Variants in GAREM1 observed in about 807,000 individuals in gnomAD.
GAREM1 encodes the protein GRB2 associated regulator of MAPK1 subtype 1, also known as GRB2-associated and regulator of MAPK protein 1.
GAREM1 carries 26 observed loss-of-function variants against 71.3 expected under a neutral mutation model. That is an observed-to-expected ratio of 0.36 (90% CI 0.27 to 0.51). The LOEUF is 0.51. GAREM1 is among the 20% of genes least tolerant of loss of function. The pLI is 0.95. For synonymous variants in GAREM1, 440 were observed against 433.2 expected (o/e 1.02, Z -0.20); for missense variants, 1,026 against 1,103.1 (o/e 0.93, Z 0.99).
rs1437904247 is a variant in GAREM1, at chr18:32,470,653, G to T, written c.-225C>A. Among the ~76,000 whole-genome samples, 1 of 149,132 alleles carries T rather than the reference G, an allele frequency of 6.7e-6. No individual in the cohort carries two copies. Among genetic ancestry groups the T allele is most frequent in the Non-Finnish European group, 1.5e-5 (1 of 67,074 alleles). On this transcript the variant is annotated 5_prime_UTR_variant, in exon 1 of 6. Transcript: ENST00000269209. This position sits in a 1 kb window ranked among gnomAD's most constrained non-coding sequence, Gnocchi z 4.4. ...GGGGCATGGCTGGGGCGCCCCGCGT[G>T]CCCTCACGCCCGGAGAAGACTCAGA...
intron 4 of GAREM1, among the ~76,000 whole-genome samples, chr18:32,286,379 G>A (rs933015236): frequency 1.3e-5 from 2 of 149,670 alleles, no homozygotes; most frequent in Non-Finnish European, 3.0e-5. Context: ...TAGCACATCC[G>A]CTATGCTTTG....
chr18:32,299,621 A>G (rs73956872), intron 3 of GAREM1, among the ~76,000 whole-genome samples: 368 of 152,116 alleles, frequency 2.4e-3, no homozygotes, highest in African/African-American at 7.9e-3. Flanking sequence ...GGAATCAATA[A>G]TTTCTGACCT....
intron 1 of GAREM1, among the ~76,000 whole-genome samples, chr18:32,415,838 C>T (rs2048460934): frequency 6.6e-6 from 1 of 152,068 alleles, no homozygotes; most frequent in Non-Finnish European, 1.5e-5. Context: ...ATTGTCACCA[C>T]TGTTATTCAA....
At chr18:32,289,756 G>C (rs1053537575) in intron 3 of GAREM1, among the ~76,000 whole-genome samples, 1 of 152,114 alleles carries the variant, frequency 6.6e-6, no homozygotes, top group Non-Finnish European at 1.5e-5. Context: ...GCATCTAGTG[G>C]GTAGAGGCCA....
At chr18:32,271,195 A>AT (rs1294118018) in intron 4 of GAREM1, among the ~76,000 whole-genome samples, 1 of 151,170 alleles carries the variant, frequency 6.6e-6, no homozygotes, top group African/African-American at 2.4e-5. Flanking sequence ...TTTTTAATTT[A>AT]TTTTTTTTAT....
intron 2 of GAREM1, among the ~76,000 whole-genome samples, chr18:32,385,390 T>C (rs1403273897): frequency 6.6e-6 from 1 of 152,012 alleles, no homozygotes; most frequent in Non-Finnish European, 1.5e-5. Context: ...CATTTCCTTC[T>C]TCAACACTTA....
At chr18:32,411,727 G>T (rs1365345460) in intron 1 of GAREM1, among the ~76,000 whole-genome samples, 2 of 151,948 alleles carry the variant, frequency 1.3e-5, no homozygotes, top group Non-Finnish European at 2.9e-5. Context: ...CTACACCAAG[G>T]TTTCCGAAGA....
chr18:32,364,006 A>ATATATATATATATG (rs2047895115), intron 2 of GAREM1, among the ~76,000 whole-genome samples: 1 of 41,950 alleles, frequency 2.4e-5, no homozygotes, highest in Non-Finnish European at 4.2e-5. Context: ...ATATATATAT[A>ATATATATATATATG]TATATATATA....
rs148751686 is a variant in GAREM1 at position 32,469,576 on chromosome 18, T to C, written c.121+732A>G. ...AGCTGTCACACCGCAGAATAAACAG[T>C]TGGAGGAAGGAGTTGGGTGGGTTTC... On this transcript the variant is annotated intron_variant, in intron 1 of 5. Transcript: ENST00000269209. 2.8e-3 allele frequency among the ~76,000 whole-genome samples: 422 copies of C among 152,186 alleles called. 5 individuals are homozygous for C. Among genetic ancestry groups the C allele is most frequent in the African/African-American group, 9.6e-3 (397 of 41,512 alleles).
intron 1 of GAREM1, among the ~76,000 whole-genome samples, chr18:32,461,838 T>C (rs1289249909): frequency 1.3e-5 from 2 of 152,192 alleles, no homozygotes; most frequent in East Asian, 3.8e-4. Flanking sequence ...TGAAGATGCA[T>C]GGGGAGTTTA....
At chr18:32,337,180 C>T (rs2144567926) in intron 2 of GAREM1, among the ~76,000 whole-genome samples, 1 of 152,278 alleles carries the variant, frequency 6.6e-6, no homozygotes, top group South Asian at 2.1e-4. Context: ...AAATCAATTC[C>T]TGGAAAATAT....
At chr18:32,426,417 A>G (rs1366387510) in intron 1 of GAREM1, among the ~76,000 whole-genome samples, 1 of 152,186 alleles carries the variant, frequency 6.6e-6, no homozygotes, top group Non-Finnish European at 1.5e-5. Flanking sequence ...CTTAAAAATT[A>G]TATTCTTTTA....
intron 4 of GAREM1, among the ~76,000 whole-genome samples, chr18:32,285,938 C>T (rs2047012539): frequency 6.6e-6 from 1 of 152,166 alleles, no homozygotes; most frequent in Non-Finnish European, 1.5e-5. Flanking sequence ...CCAAGGAAGA[C>T]CCCTTCCCCA....
chr18:32,465,962 G>A (rs935352841), intron 1 of GAREM1, among the ~76,000 whole-genome samples: 3 of 152,170 alleles, frequency 2.0e-5, no homozygotes, highest in Non-Finnish European at 4.4e-5. Flanking sequence ...TGCATTGCCT[G>A]AGGGTGAAAA....
At chr18:32,377,655 C>T (rs560802345) in intron 2 of GAREM1, among the ~76,000 whole-genome samples, 1 of 152,288 alleles carries the variant, frequency 6.6e-6, no homozygotes, top group Admixed American at 6.5e-5. Flanking sequence ...CCTCTGCCTC[C>T]CAGGTTCGAG....
chr18:32,412,532 G>A, intron 1 of GAREM1: 1 of 1,597,284 alleles, frequency 6.3e-7, no homozygotes, highest in Admixed American at 1.7e-5. Context: ...CATGACCGAA[G>A]TTGTCATTCC....
chr18:32,451,482 T>C (rs980016412), intron 1 of GAREM1, among the ~76,000 whole-genome samples: 2 of 152,184 alleles, frequency 1.3e-5, no homozygotes, highest in Non-Finnish European at 2.9e-5. Flanking sequence ...AGGGCATTAG[T>C]ACCCAAGTCA....
At chr18:32,299,285 C>T (rs991946894) in intron 3 of GAREM1, among the ~76,000 whole-genome samples, 9 of 152,026 alleles carry the variant, frequency 5.9e-5, no homozygotes, top group African/African-American at 1.9e-4. Flanking sequence ...GAGGCGGAGG[C>T]GGGCGGATCA....
At chr18:32,396,111 T>C (rs1053166818) in intron 1 of GAREM1, among the ~76,000 whole-genome samples, 1 of 152,138 alleles carries the variant, frequency 6.6e-6, no homozygotes, top group African/African-American at 2.4e-5. Flanking sequence ...TCGTGACTGT[T>C]AGAAGGAAAA....
Sources: gnomAD v4.1 joint callset for allele counts (sites outside exome capture counted in the v4.1 genomes callset) on GRCh38, gnomAD v4.1.1 for gene constraint, Gnocchi (gnomAD v3.1) non-coding constraint, MANE v1.5 for transcripts, NCBI Gene and HGNC (gene_info 2026-07-23, HGNC 2026-07-21) for gene names.